DZIP3: variants seen among roughly 807,000 people sequenced by gnomAD.
The protein encoded by DZIP3 is DAZ interacting zinc finger protein 3.
In DZIP3, 118 loss-of-function variants were observed where a neutral mutation model predicts 162.0. The ratio of observed to expected loss-of-function variants is 0.73; its 90% confidence interval spans 0.63 to 0.85. DZIP3 has a LOEUF of 0.85. Ranked by LOEUF, DZIP3 falls within the 40% of genes least tolerant of loss-of-function variation. The pLI is 0.00. For synonymous variants in DZIP3, 438 were observed against 458.6 expected (o/e 0.96, Z 0.57); for missense variants, 1,331 against 1,407.0 (o/e 0.95, Z 0.86).
chr3:108,662,593 A>G (rs1419917433), intron 21 of DZIP3, among the ~76,000 whole-genome samples: 1 of 152,234 alleles, frequency 6.6e-6, no homozygotes, highest in Admixed American at 6.5e-5. Flanking sequence ...GTATATGAGT[A>G]CATTCCTTAA....
In DZIP3 at chr3:108,688,834, GGAA is replaced by G. The variant is rs752035415; in HGVS notation, c.3435_3437del (p.Glu1146del). The G allele has an allele frequency of 3.7e-5, 59 of 1,614,170 alleles. No individual in the cohort carries two copies. In the Middle Eastern group the frequency reaches 2.0e-3, roughly 54 times the overall value. On this transcript the variant is annotated inframe_deletion, in exon 31 of 33. Coordinates refer to ENST00000361582, the MANE Select transcript of DZIP3 (RefSeq NM_014648.4). ...TGTATTTTCCCTAGGATGAGGAAGA[GGAA>G]GAAGAAGAGCCTTGTGTGATCTGTC... is the stretch of plus-strand genomic sequence containing the variant.
rs1195187435 is a variant in DZIP3, at chr3:108,661,932, C to G, written c.2255C>G (p.Ala752Gly). The G allele has an allele frequency of 4.3e-6, 7 of 1,613,974 alleles. No homozygotes were observed. The highest frequency in any genetic ancestry group is 5.9e-6 in the Non-Finnish European group (7 of 1,179,934). ...DYGETEKERLARQRQLYKLHY... is the reference protein window; with the variant it reads ...DYGETEKERLGRQRQLYKLHY... Reference sequence around the variant, plus strand: ...GGAGAAACTGAAAAGGAAAGGCTTGCTCGTCAAAGGCAGCTTTATAAATTG... The same window carrying G: ...GGAGAAACTGAAAAGGAAAGGCTTGGTCGTCAAAGGCAGCTTTATAAATTG... The change falls in exon 20 of 33, where the codon GCT (alanine) becomes GGT (glycine). Residue 752 changes from alanine (A) to glycine (G), a missense_variant. Physicochemically the swap from Ala to Gly is moderately conservative, Grantham distance 60. Transcript: ENST00000361582.
At chr3:108,643,495 C>G (rs1942487262) in intron 13 of DZIP3, among the ~76,000 whole-genome samples, 1 of 151,582 alleles carries the variant, frequency 6.6e-6, no homozygotes. Context: ...TGAGACTGTG[C>G]TTTCCTAACA....
chr3:108,659,526 A>G (rs920851552), intron 19 of DZIP3, among the ~76,000 whole-genome samples: 12 of 152,168 alleles, frequency 7.9e-5, no homozygotes, highest in South Asian at 2.1e-4. Flanking sequence ...CCCACAGCCA[A>G]TATCATACTG....
chr3:108,597,602 G>A (rs935376414), intron 1 of DZIP3, among the ~76,000 whole-genome samples: 1 of 152,014 alleles, frequency 6.6e-6, no homozygotes, highest in African/African-American at 2.4e-5. Flanking sequence ...TGGTCTTTCA[G>A]AAAATAAATA....
At chr3:108,663,241 AGCTG>A (rs1000149577) in intron 21 of DZIP3, among the ~76,000 whole-genome samples, 33 of 152,326 alleles carry the variant, frequency 2.2e-4, no homozygotes, top group African/African-American at 7.7e-4. Flanking sequence ...AGACAAACGA[AGCTG>A]GCTGCAATCA....
chr3:108,627,336 T>A lies in DZIP3; in HGVS notation c.581+1367T>A, dbSNP rs142619682. Among the ~76,000 whole-genome samples the A allele has an allele frequency of 1.1e-3, 174 of 152,330 alleles. 1 individual carries two copies. The highest frequency in any genetic ancestry group is 4.0e-3 in the African/African-American group (167 of 41,574). On this transcript the variant is annotated intron_variant, in intron 7 of 32. Transcript: ENST00000361582. ...AGTATCATTACTTTCATCCCTGGCC[T>A]ATAGAGGACAACCACCACTGAGCTC...
At chr3:108,610,035 G>A (rs1198083898) in intron 3 of DZIP3, among the ~76,000 whole-genome samples, 3 of 152,042 alleles carry the variant, frequency 2.0e-5, no homozygotes, top group Non-Finnish European at 4.4e-5. Flanking sequence ...GTAGAATTTT[G>A]TTTTAACTTT....
At chr3:108,616,196 G>A (rs997416104) in intron 4 of DZIP3, among the ~76,000 whole-genome samples, 5 of 151,938 alleles carry the variant, frequency 3.3e-5, no homozygotes, top group Admixed American at 2.6e-4. Flanking sequence ...CACGGGAGGC[G>A]GAGCTTGCAG....
At chr3:108,662,296 G>T in intron 21 of DZIP3, 39 bp downstream of exon 21, 1 of 1,548,126 alleles carries the variant, frequency 6.5e-7, no homozygotes, top group East Asian at 2.3e-5. Context: ...ATTCTGCGCC[G>T]TAATAAACAG....
At position 108,691,759 on chromosome 3, in the gene DZIP3, C is replaced by T. The variant is rs190325365; in HGVS notation, c.*6+856C>T. On this transcript the variant is annotated intron_variant, in intron 32 of 32. Transcript: ENST00000361582. ...GAGTAGCATGTCTTAAATCTCATCA[C>T]CCGTCTCAGGTGCAGTTTCATGGCC... Among the ~76,000 whole-genome samples, 17 of 152,272 alleles carry T rather than the reference C, an allele frequency of 1.1e-4. 1 individual carries two copies. The highest frequency in any genetic ancestry group is 1.0e-3 in the Admixed American group (16 of 15,284).
At position 108,644,634 on chromosome 3, in the gene DZIP3, CT is replaced by C; in HGVS notation, c.1613del (p.Leu538ArgfsTer5). On this transcript the variant is annotated frameshift_variant, in exon 14 of 33. Coordinates refer to ENST00000361582, the MANE Select transcript of DZIP3 (RefSeq NM_014648.4). LOFTEE classifies it high-confidence loss of function. ...SIWKKVSDIL[L>X]RLGMMQEDID... ...TTGGAAAAAAGTTTCAGATATTCTT[CT>C]GCGCCTTGGGATGATGCAAGAGGAT... is the stretch of plus-strand genomic sequence containing the variant. The C allele has an allele frequency of 6.2e-7, 1 of 1,614,072 alleles. No individual in the cohort carries two copies. Among genetic ancestry groups the C allele is most frequent in the Non-Finnish European group, 8.5e-7 (1 of 1,179,962 alleles).
intron 17 of DZIP3, 142 bp downstream of exon 17, chr3:108,649,104 A>G: frequency 2.4e-6 from 1 of 411,558 alleles, no homozygotes; most frequent in Non-Finnish European, 3.9e-6. Context: ...ATTATAGAGA[A>G]GTCTACATAT....
chr3:108,653,429 C>T lies in DZIP3; in HGVS notation c.2034-716C>T, dbSNP rs891921447. On this transcript the variant is annotated intron_variant, in intron 18 of 32. Transcript: ENST00000361582. ...AAATTTAGAGCTACTAAGTAGTAGGCCAAGTGAAAGGACAGTAGCATGCAA... is the reference window on the plus strand; with the variant it reads ...AAATTTAGAGCTACTAAGTAGTAGGTCAAGTGAAAGGACAGTAGCATGCAA... Among the ~76,000 whole-genome samples the T allele has an allele frequency of 2.0e-5, 3 of 147,748 alleles. No homozygotes were observed. In the Admixed American group the frequency reaches 2.0e-4, roughly 10 times the overall value.
intron 17 of DZIP3, among the ~76,000 whole-genome samples, chr3:108,650,252 T>A (rs1559757480): frequency 6.6e-6 from 1 of 151,846 alleles, no homozygotes; most frequent in Non-Finnish European, 1.5e-5. Flanking sequence ...ATGCTAGATG[T>A]GTTTATTGTG....
In DZIP3 at chr3:108,661,637, ATT is replaced by A. The variant is rs1234230452; in HGVS notation, c.2200-239_2200-238del. Among the ~76,000 whole-genome samples, 586 of 152,200 alleles carry A rather than the reference ATT, an allele frequency of 3.9e-3. 6 individuals are homozygous for A. Among genetic ancestry groups the A allele is most frequent in the African/African-American group, 0.014 (571 of 41,494 alleles). On this transcript the variant is annotated intron_variant, in intron 19 of 32. Coordinates refer to ENST00000361582, the MANE Select transcript of DZIP3 (RefSeq NM_014648.4). ...GTACCCTAAAACTTAAAGTATAATAATTAAAAAAAAAGAAATGGTAAGCATGC... is the reference window on the plus strand; with the variant it reads ...GTACCCTAAAACTTAAAGTATAATAAAAAAAAAAAGAAATGGTAAGCATGC...
intron 1 of DZIP3, among the ~76,000 whole-genome samples, chr3:108,597,820 A>C (rs962417761): frequency 6.6e-6 from 1 of 152,280 alleles, no homozygotes; most frequent in Non-Finnish European, 1.5e-5. Context: ...CCTGCATATA[A>C]TTTATAAGTG....
Position 108,644,252 on chromosome 3 carries a change from A to C in DZIP3, c.1230A>C (p.Gln410His). The C allele has an allele frequency of 6.2e-7, 1 of 1,613,900 alleles. No homozygotes were observed. Among genetic ancestry groups the C allele is most frequent in the Non-Finnish European group, 8.5e-7 (1 of 1,179,930 alleles). Residue 410 changes from glutamine (Q) to histidine (H), a missense_variant, in exon 14 of 33, where the codon CAA (glutamine) becomes CAC (histidine). Physicochemically the swap from Gln to His is conservative, Grantham distance 24 (BLOSUM62 0). This residue lies in a region of DZIP3 where 1,278 missense variants were observed against 1,317.1 expected (regional missense o/e 0.97). Transcript: ENST00000361582. ...TTTCTGGTACTGACATTGTTCGACAAATATTTGATGAGGCTATGCCACCTC... is the reference window on the plus strand; with the variant it reads ...TTTCTGGTACTGACATTGTTCGACACATATTTGATGAGGCTATGCCACCTC... ...IIISGTDIVR[Q>H]IFDEAMPPPL...
At chr3:108,680,369 A>T (rs774003662) in intron 26 of DZIP3, among the ~76,000 whole-genome samples, 5 of 152,096 alleles carry the variant, frequency 3.3e-5, no homozygotes, top group African/African-American at 7.2e-5. Flanking sequence ...CTTTTTGTAG[A>T]CAAATGATCT....
Sources: allele counts gnomAD v4.1 joint callset (sites outside exome capture counted in the v4.1 genomes callset), GRCh38; gene constraint gnomAD v4.1.1; regional missense constraint gnomAD v4.1.1; transcripts MANE v1.5; gene names NCBI Gene and HGNC (gene_info 2026-07-23, HGNC 2026-07-21).